Variants in COG2 observed in about 807,000 individuals in gnomAD.
COG2 encodes component of oligomeric golgi complex 2.
Under a neutral mutation model 90.6 loss-of-function variants are expected in COG2, and 52 were observed. The ratio of observed to expected loss-of-function variants is 0.57; its 90% CI spans 0.46 to 0.72. COG2 has a LOEUF of 0.72. Among genes scored for constraint, COG2 ranks in the 30% least tolerant of loss-of-function variants. COG2 has a pLI of 0.00. For synonymous variants in COG2, 337 were observed against 320.4 expected (o/e 1.05, Z -0.55); for missense variants, 829 against 891.2 (o/e 0.93, Z 0.89).
intron 5 of COG2, among the ~76,000 whole-genome samples, chr1:230,665,546 T>C (rs561196926): frequency 6.6e-6 from 1 of 152,364 alleles, no homozygotes; most frequent in South Asian, 2.1e-4. Flanking sequence ...TTGGAGAGAC[T>C]GTAGAGACAG....
In COG2 at chr1:230,659,832, A is replaced by AT. The variant is rs1470751216; in HGVS notation, c.234+214dup. 4.6e-5 allele frequency among the ~76,000 whole-genome samples: 7 copies of AT among 152,130 alleles called. No individual in the cohort carries two copies. In the South Asian group the frequency reaches 6.2e-4, roughly 14 times the overall value. ...TACTTAAGACTATTCTAAATTAAAT[A>AT]TTTTTTTAATTTGATATTATTAGTG... On this transcript the variant is annotated intron_variant, in intron 2 of 17. Transcript: ENST00000366669.
chr1:230,656,970 A>G (rs1215086679), intron 1 of COG2, among the ~76,000 whole-genome samples: 1 of 152,180 alleles, frequency 6.6e-6, no homozygotes, highest in Non-Finnish European at 1.5e-5. Flanking sequence ...GTGTCTTTGC[A>G]CGTGAGATGG....
At chr1:230,649,720 A>ATTTAT (rs901449218) in intron 1 of COG2, among the ~76,000 whole-genome samples, 4 of 151,494 alleles carry the variant, frequency 2.6e-5, no homozygotes, top group African/African-American at 7.3e-5. Context: ...TTTGTTACTT[A>ATTTAT]TTTATTTTAT....
chr1:230,687,902 T>C, intron 13 of COG2, 169 bp from the exon 14 acceptor site: 1 of 565,742 alleles, frequency 1.8e-6, no homozygotes, highest in South Asian at 2.5e-5. Flanking sequence ...AATCTTTTTA[T>C]AGTAAAAGCA....
At chr1:230,646,168 C>G (rs1031145502) in intron 1 of COG2, among the ~76,000 whole-genome samples, 5 of 152,204 alleles carry the variant, frequency 3.3e-5, no homozygotes, top group Middle Eastern at 3.2e-3. Flanking sequence ...GCCCATCGCT[C>G]TCTTCCATCT....
chr1:230,652,344 T>C (rs1661934068), intron 1 of COG2, among the ~76,000 whole-genome samples: 1 of 152,202 alleles, frequency 6.6e-6, no homozygotes. Flanking sequence ...CACTTAGAAA[T>C]GTACGTTTAA....
intron 1 of COG2, among the ~76,000 whole-genome samples, chr1:230,653,377 C>A (rs978936142): frequency 2.0e-5 from 3 of 151,998 alleles, no homozygotes; most frequent in South Asian, 4.2e-4. Flanking sequence ...CATGCCACCA[C>A]GCCGGGCTAA....
intron 10 of COG2, chr1:230,680,668 C>G (rs748901168): frequency 2.4e-4 from 37 of 152,192 alleles, no homozygotes; most frequent in Non-Finnish European, 4.9e-4. Context: ...TAAAAAACCT[C>G]TTTTATTTAA....
chr1:230,648,384 CT>C (rs1661840104), intron 1 of COG2, among the ~76,000 whole-genome samples: 2 of 152,324 alleles, frequency 1.3e-5, no homozygotes, highest in South Asian at 4.1e-4. Context: ...CATTTTTGGT[CT>C]TCATGAAAAG....
intron 6 of COG2, chr1:230,669,115 A>G (rs2102757586): frequency 4.3e-6 from 2 of 462,938 alleles, no homozygotes; most frequent in Non-Finnish European, 7.6e-6. Flanking sequence ...TCGTAGCTTA[A>G]GAGGAAGGTA....
intron 9 of COG2, among the ~76,000 whole-genome samples, chr1:230,677,117 A>C (rs933098416): frequency 2.0e-5 from 3 of 152,046 alleles, no homozygotes; most frequent in African/African-American, 7.2e-5. Flanking sequence ...ATCTCCATCT[A>C]GATCTCTTGT....
At position 230,663,213 on chromosome 1, in the gene COG2, A is replaced by G. The variant is rs141422644; in HGVS notation, c.373A>G (p.Lys125Glu). Residue 125 changes from lysine to glutamate, a missense_variant, in exon 4 of 18, where the codon AAA (lysine) becomes GAA (glutamate). Lys to Glu is a moderately conservative substitution (Grantham distance 56). Transcript: ENST00000366669. ...AATGTCTAAACAAGAGGACATTAGG[A>G]AAAAAAAGGTATACTCAAATATTAC... is the stretch of plus-strand genomic sequence containing the variant. The part of the protein sequence containing the change: ...ERMSKQEDIR[K>E]KKMCVLRLIQ... 134 of 1,598,548 alleles carry G rather than the reference A, an allele frequency of 8.4e-5. 1 individual carries two copies. In the South Asian group the frequency reaches 1.0e-3, roughly 12 times the overall value.
At chr1:230,643,862 A>G (rs993871845) in intron 1 of COG2, among the ~76,000 whole-genome samples, 1 of 152,192 alleles carries the variant, frequency 6.6e-6, no homozygotes, top group African/African-American at 2.4e-5. Context: ...CGTTTTGCCT[A>G]CTGGCTAAGA....
In COG2 at chr1:230,693,283, C is replaced by T. The variant is rs763425976; in HGVS notation, c.2116-9C>T. ...GCAGTAACATAATTCATTCTCATGGCCTTTGCAGATACAAAAGTTGGGACT... is the reference window on the plus strand; with the variant it reads ...GCAGTAACATAATTCATTCTCATGGTCTTTGCAGATACAAAAGTTGGGACT... On this transcript the variant is annotated splice_polypyrimidine_tract_variant and intron_variant, in intron 17 of 17. Transcript: ENST00000366669. The T allele has an allele frequency of 5.1e-6, 8 of 1,554,106 alleles. No homozygotes were observed. Among genetic ancestry groups the T allele is most frequent in the East Asian group, 2.2e-5 (1 of 44,594 alleles).
chr1:230,646,933 C>T (rs1314961375), intron 1 of COG2, among the ~76,000 whole-genome samples: 1 of 152,130 alleles, frequency 6.6e-6, no homozygotes, highest in Non-Finnish European at 1.5e-5. Flanking sequence ...CTCCTCTTTT[C>T]CCACTTTCTG....
At chr1:230,647,903 C>T (rs142995132) in intron 1 of COG2, among the ~76,000 whole-genome samples, 189 of 152,026 alleles carry the variant, frequency 1.2e-3, no homozygotes, top group African/African-American at 4.0e-3. Context: ...GTGGAATGCT[C>T]GGATACAGAG....
chr1:230,642,513 G>C lies in COG2; in HGVS notation c.-94G>C, dbSNP rs1420276194. 4 of 1,295,352 alleles carry C rather than the reference G, an allele frequency of 3.1e-6. No individual in the cohort carries two copies. Among genetic ancestry groups the C allele is most frequent in the Admixed American group, 2.0e-5 (1 of 49,406 alleles). The allele number at this position is 1,295,352 out of a possible 1,614,324, so 80.2% of individuals were successfully genotyped here. A position where few individuals can be genotyped will look rare whatever the true frequency, so the allele number is the denominator to read the frequency against. ...CGGAAGCGGACCCCCCTGTGCCGTG[G>C]AAACTGGCGGTGGCCGCGGCCGCCG... On this transcript the variant is annotated 5_prime_UTR_variant, in exon 1 of 18. Transcript: ENST00000366669.
Position 230,642,497 on chromosome 1 carries a change from A to C in COG2, c.-110A>C. ...GGCGCTGCCATGTTGGCGGAAGCGG[A>C]CCCCCCTGTGCCGTGGAAACTGGCG... On this transcript the variant is annotated 5_prime_UTR_variant, in exon 1 of 18. Coordinates refer to ENST00000366669, the MANE Select transcript of COG2 (RefSeq NM_007357.3). 1.0e-6 allele frequency: 1 copy of C among 980,552 alleles called. No homozygotes were observed. The highest frequency in any genetic ancestry group is 1.5e-6 in the Non-Finnish European group (1 of 674,566). The allele number at this position is 980,552 out of a possible 1,614,324, so 60.7% of individuals were successfully genotyped here. A position where few individuals can be genotyped will look rare whatever the true frequency, so the allele number is the denominator to read the frequency against.
chr1:230,686,646 T>C (rs1662890882), intron 12 of COG2, among the ~76,000 whole-genome samples: 1 of 152,152 alleles, frequency 6.6e-6, no homozygotes, highest in African/African-American at 2.4e-5. Flanking sequence ...CAAAATTAAT[T>C]TTATTGTGGT....
Sources: gnomAD v4.1 joint callset for allele counts (sites outside exome capture counted in the v4.1 genomes callset) on GRCh38, gnomAD v4.1.1 for gene constraint, MANE v1.5 for transcripts, NCBI Gene and HGNC (gene_info 2026-07-23, HGNC 2026-07-21) for gene names.